The following FNTB variants were observed in gnomAD, a reference collection of about 807,000 sequenced individuals.
FNTB encodes the protein farnesyltransferase, CAAX box, subunit beta, also known as protein farnesyltransferase subunit beta.
Under a neutral mutation model 59.4 loss-of-function variants are expected in FNTB, and 27 were observed. That is an observed-to-expected ratio of 0.45 (90% CI 0.34 to 0.63). The LOEUF (loss-of-function observed/expected upper bound fraction) is 0.63. FNTB is among the 20% of genes least tolerant of loss of function. The pLI is 0.02. For missense variants in FNTB, 449 were observed against 559.6 expected (o/e 0.80, Z 1.99); for synonymous variants, 230 against 220.7 (o/e 1.04, Z -0.37).
At chr14:65,053,605 G>A (rs1003494976) in intron 10 of FNTB, among the ~76,000 whole-genome samples, 4 of 129,968 alleles carry the variant, frequency 3.1e-5, no homozygotes, top group African/African-American at 1.6e-4. Flanking sequence ...AGATTGCTGG[G>A]TAGATAACTC....
At chr14:65,018,830 G>A (rs77330371) in intron 4 of FNTB, among the ~76,000 whole-genome samples, 48 of 146,824 alleles carry the variant, frequency 3.3e-4, no homozygotes, top group African/African-American at 1.1e-3. Context: ...AAAAAAAAAG[G>A]CCAGGCGCGG....
Position 65,057,300 on chromosome 14 carries a change from G to A in FNTB, c.1182+2611G>A, listed in dbSNP as rs560378321. Among the ~76,000 whole-genome samples the A allele has an allele frequency of 5.9e-5, 9 of 152,192 alleles. No homozygotes were observed. The South Asian group carries it at 6.2e-4, about 11-fold the overall frequency. On this transcript the variant is annotated intron_variant, in intron 11 of 11. Transcript: ENST00000246166. ...GATTTTAGGCCAGATATGGTGGTTC[G>A]CACCTGTAAACCTAGCACTTTGGGA...
chr14:65,055,006 CTG>C (rs773692581), intron 11 of FNTB, among the ~76,000 whole-genome samples: 3 of 152,246 alleles, frequency 2.0e-5, no homozygotes, highest in African/African-American at 4.8e-5. Context: ...CACTCTGAGG[CTG>C]TGAGTCCCAG....
rs2062008517 is a variant in FNTB, at chr14:65,027,665, G to A, written c.522-33G>A. The stretch of plus-strand genomic sequence containing the variant: ...CCCCGCCTGCTGACACGCACTGACT[G>A]TTGCCTCTCCTACCTCTTTCCCTGT... On this transcript the variant is annotated intron_variant, in intron 5 of 11. Coordinates refer to ENST00000246166, the MANE Select transcript of FNTB (RefSeq NM_002028.4). This position sits in a 1 kb window ranked among gnomAD's most constrained non-coding sequence, Gnocchi z 5.7. The A allele has an allele frequency of 2.5e-6, 4 of 1,614,144 alleles. No homozygotes were observed. The highest frequency in any genetic ancestry group is 1.3e-5 in the African/African-American group (1 of 75,046).
intron 11 of FNTB, among the ~76,000 whole-genome samples, chr14:65,056,498 T>C (rs1050753959): frequency 2.6e-5 from 4 of 152,356 alleles, no homozygotes; most frequent in African/African-American, 9.6e-5. Context: ...AATCGATCCA[T>C]AGTCAGACCT....
At chr14:65,000,875 G>A (rs1156289562) in intron 1 of FNTB, among the ~76,000 whole-genome samples, 1 of 116,302 alleles carries the variant, frequency 8.6e-6, no homozygotes, top group Non-Finnish European at 1.9e-5. Context: ...TGAAAGAAAA[G>A]CAAAAGAAAA....
In FNTB at chr14:65,021,847, T is replaced by C. The variant is rs1299846453; in HGVS notation, c.375-5606T>C. The C allele has an allele frequency of 1.1e-5, 5 of 439,028 alleles. No individual in the cohort carries two copies. The East Asian group carries it at 2.1e-4, about 19-fold the overall frequency. The allele number at this position is 439,028 out of a possible 1,614,324, so 27.2% of individuals were successfully genotyped here. ...TTTTAGTAGAGATGGGGTTTCACCA[T>C]GTTGGCCAGGCTGGTCTCAAACTCC... is the stretch of plus-strand genomic sequence containing the variant. On this transcript the variant is annotated intron_variant, in intron 4 of 11. Transcript: ENST00000246166.
At chr14:65,021,096 T>G (rs2061878444) in intron 4 of FNTB, among the ~76,000 whole-genome samples, 1 of 152,194 alleles carries the variant, frequency 6.6e-6, no homozygotes, top group Non-Finnish European at 1.5e-5. Flanking sequence ...GAATTAATAT[T>G]TTGGAACTAG....
rs1400669361 is a variant in FNTB at position 65,028,942 on chromosome 14, C to T, written c.605+1161C>T. 6.6e-6 allele frequency among the ~76,000 whole-genome samples: 1 copy of T among 152,166 alleles called. No individual in the cohort carries two copies. Among genetic ancestry groups the T allele is most frequent in the Admixed American group, 6.5e-5 (1 of 15,286 alleles). On this transcript the variant is annotated intron_variant, in intron 6 of 11. Coordinates refer to ENST00000246166, the MANE Select transcript of FNTB (RefSeq NM_002028.4). This position sits in a 1 kb window ranked among gnomAD's most constrained non-coding sequence, Gnocchi z 4.4. ...TTAGGCAAAAGCAAACAAATCATAG[C>T]AAGATCCTTTTGGTATTTTATCATA...
chr14:65,031,630 T>TA lies in FNTB; in HGVS notation c.606-974dup, dbSNP rs1182117603. On this transcript the variant is annotated intron_variant, in intron 6 of 11. Transcript: ENST00000246166. The surrounding 1 kb of genome is among the most constrained non-coding windows in gnomAD (Gnocchi z 4.6). ...TGTGCCCAGCCTAATAATGCTTTTT[T>TA]AAAAAATAGCCCGGGCGCGGTGGCT... 6.6e-6 allele frequency among the ~76,000 whole-genome samples: 1 copy of TA among 151,324 alleles called. No individual in the cohort carries two copies.
intron 1 of FNTB, among the ~76,000 whole-genome samples, chr14:64,995,701 G>T (rs774701826): frequency 6.7e-6 from 1 of 150,042 alleles, no homozygotes; most frequent in Non-Finnish European, 1.5e-5. Context: ...AAAGATATAT[G>T]TGTATATTAT....
chr14:65,005,622 TC>T (rs2061575271), intron 2 of FNTB, among the ~76,000 whole-genome samples: 1 of 151,342 alleles, frequency 6.6e-6, no homozygotes, highest in South Asian at 2.1e-4. Flanking sequence ...TCTTGTCTTG[TC>T]CTGTCCTGTC....
intron 4 of FNTB, among the ~76,000 whole-genome samples, chr14:65,021,376 C>T (rs2061883279): frequency 1.3e-5 from 2 of 152,158 alleles, no homozygotes; most frequent in African/African-American, 4.8e-5. Context: ...TATCCTTTCC[C>T]TTTCAAAAGG....
rs1009797718 is a variant in FNTB, at chr14:65,027,257, C to A, written c.375-196C>A. The A allele has an allele frequency of 2.4e-5, 20 of 830,298 alleles. No homozygotes were observed. Among genetic ancestry groups the A allele is most frequent in the Non-Finnish European group, 3.1e-5 (17 of 549,304 alleles). The allele number at this position is 830,298 out of a possible 1,614,324, so 51.4% of individuals were successfully genotyped here. ...CTTAAGTACGAAACTCAGAGGAGGG[C>A]AGACAGAAATGATGATAGCTGGAGA... On this transcript the variant is annotated intron_variant, in intron 4 of 11. Transcript: ENST00000246166. The surrounding 1 kb of genome is among the most constrained non-coding windows in gnomAD (Gnocchi z 5.7).
chr14:65,058,037 G>C (rs1308313196), intron 11 of FNTB, among the ~76,000 whole-genome samples: 1 of 151,918 alleles, frequency 6.6e-6, no homozygotes, highest in Non-Finnish European at 1.5e-5. Context: ...TGAATTGTAG[G>C]ATCAGCCTGT....
In FNTB at chr14:65,028,196, T is replaced by A. The variant is rs981912401; in HGVS notation, c.605+415T>A. 2.6e-5 allele frequency among the ~76,000 whole-genome samples: 4 copies of A among 152,186 alleles called. No individual in the cohort carries two copies. The highest frequency in any genetic ancestry group is 9.7e-5 in the African/African-American group (4 of 41,442). ...TGAAATCATGAGAATGTCTAATCCCTGAGGTCCTCCTGAGGCACATGAGAG... is the reference window on the plus strand; with the variant it reads ...TGAAATCATGAGAATGTCTAATCCCAGAGGTCCTCCTGAGGCACATGAGAG... On this transcript the variant is annotated intron_variant, in intron 6 of 11. Transcript: ENST00000246166. This position sits in a 1 kb window ranked among gnomAD's most constrained non-coding sequence, Gnocchi z 4.4.
At position 65,023,641 on chromosome 14, in the gene FNTB, G is replaced by C. The variant is rs936415686; in HGVS notation, c.375-3812G>C. 6.6e-6 allele frequency among the ~76,000 whole-genome samples: 1 copy of C among 152,222 alleles called. No individual in the cohort carries two copies. Among genetic ancestry groups the C allele is most frequent in the African/African-American group, 2.4e-5 (1 of 41,464 alleles). On this transcript the variant is annotated intron_variant, in intron 4 of 11. Transcript: ENST00000246166. The surrounding 1 kb of genome is among the most constrained non-coding windows in gnomAD (Gnocchi z 4.1). ...GTTAGTTGTGGAGTACTTGAAATGT[G>C]TCTTGTGTGACTGAAGAGCTGAATT...
At position 64,999,995 on chromosome 14, in the gene FNTB, G is replaced by A. The variant is rs377241775; in HGVS notation, c.145-4254G>A. 1.4e-4 allele frequency among the ~76,000 whole-genome samples: 22 copies of A among 152,222 alleles called. No homozygotes were observed. The East Asian group carries it at 2.1e-3, about 15-fold the overall frequency. On this transcript the variant is annotated intron_variant, in intron 1 of 11. Coordinates refer to ENST00000246166, the MANE Select transcript of FNTB (RefSeq NM_002028.4). ...AGAAATAAACCTCCATTTTTCTTGCGTTGTACTTGGCTGCTTTCCCGCAAG... is the reference window on the plus strand; with the variant it reads ...AGAAATAAACCTCCATTTTTCTTGCATTGTACTTGGCTGCTTTCCCGCAAG...
In FNTB at chr14:65,007,598, G is replaced by A. The variant is rs1274070595; in HGVS notation, c.209+3285G>A. 6.6e-6 allele frequency among the ~76,000 whole-genome samples: 1 copy of A among 152,238 alleles called. No homozygotes were observed. The highest frequency in any genetic ancestry group is 1.5e-5 in the Non-Finnish European group (1 of 68,044). On this transcript the variant is annotated intron_variant, in intron 2 of 11. Coordinates refer to ENST00000246166, the MANE Select transcript of FNTB (RefSeq NM_002028.4). The surrounding 1 kb of genome is among the most constrained non-coding windows in gnomAD (Gnocchi z 4.9). ...CCCAGAAATGATTTTCTTCTCTAAG[G>A]TTGGGACTGTCTACCTGGAGTGAGG...
Sources: gnomAD v4.1 joint callset for allele counts (sites outside exome capture counted in the v4.1 genomes callset) on GRCh38, gnomAD v4.1.1 for gene constraint, Gnocchi (gnomAD v3.1) non-coding constraint, MANE v1.5 for transcripts, NCBI Gene and HGNC (gene_info 2026-07-23, HGNC 2026-07-21) for gene names.